Variants in TXN observed in about 807,000 individuals in gnomAD.
The protein encoded by TXN is ADF.
Under a neutral mutation model 16.5 loss-of-function variants are expected in TXN, and 10 were observed. That is an observed-to-expected ratio of 0.61 (90% CI 0.37 to 1.03). The LOEUF is 1.03. Among genes scored for constraint, TXN ranks in the 50% least tolerant of loss-of-function variants. The pLI, the probability that TXN is intolerant of heterozygous loss-of-function variation, is 0.01. For missense variants in TXN, 71 were observed against 122.5 expected (o/e 0.58, Z 1.98); for synonymous variants, 35 against 39.4 (o/e 0.89, Z 0.42).
chr9:110,246,014 G>A (rs1266304514), intron 3 of TXN, among the ~76,000 whole-genome samples: 1 of 152,074 alleles, frequency 6.6e-6, no homozygotes, highest in East Asian at 1.9e-4. Flanking sequence ...GCAGTGAGCT[G>A]AGATCATGCC....
rs1837813822 is a variant in TXN, at chr9:110,256,507, C to T, written c.-72G>A. 3.3e-6 allele frequency: 5 copies of T among 1,518,732 alleles called. No individual in the cohort carries two copies. The East Asian group carries it at 1.2e-4, about 38-fold the overall frequency. 94.1% of individuals were successfully genotyped at this position (1,518,732 alleles called of 1,614,324 possible). A position where few individuals can be genotyped will look rare whatever the true frequency, so the allele number is the denominator to read the frequency against. ...GGATCCAAAGCACCAAACAGAGCTT[C>T]AAGACTCGCTGCTTGCTCTCTCCCT... On this transcript the variant is annotated 5_prime_UTR_variant, in exon 1 of 5. Coordinates refer to ENST00000374517, the MANE Select transcript of TXN (RefSeq NM_003329.4). This position sits in a 1 kb window ranked among gnomAD's most constrained non-coding sequence, Gnocchi z 4.2.
chr9:110,247,534 A>G (rs1837675082), intron 3 of TXN, among the ~76,000 whole-genome samples: 1 of 152,188 alleles, frequency 6.6e-6, no homozygotes, highest in Non-Finnish European at 1.5e-5. Context: ...GTGATGGGTT[A>G]ATGTCATAGC....
intron 1 of TXN, among the ~76,000 whole-genome samples, chr9:110,254,707 A>G (rs1230196054): frequency 1.3e-5 from 2 of 150,600 alleles, no homozygotes; most frequent in African/African-American, 5.0e-5. Flanking sequence ...GTGCTCTGAC[A>G]TGCTCTGACA....
rs569696469 is a variant in TXN at position 110,250,999 on chromosome 9, T to G, written c.130-120A>C. On this transcript the variant is annotated intron_variant, in intron 2 of 4. Transcript: ENST00000374517. ...AGAGACTAATTAAAGATCCAAAAAT[T>G]TAGATCTTTGGAGACATAGATCTAA... is the stretch of plus-strand genomic sequence containing the variant. 10 of 746,068 alleles carry G rather than the reference T, an allele frequency of 1.3e-5. No individual in the cohort carries two copies. In the African/African-American group the frequency reaches 1.8e-4, roughly 13 times the overall value. 46.2% of individuals were successfully genotyped at this position (746,068 alleles called of 1,614,324 possible).
At chr9:110,244,979 A>G (rs1837628324) in intron 3 of TXN, 136 bp from the exon 4 acceptor site, 1 of 569,040 alleles carries the variant, frequency 1.8e-6, no homozygotes, top group African/African-American at 1.9e-5. Flanking sequence ...TTTTCAGCAT[A>G]TGAAAATTAA....
chr9:110,244,985 A>G (rs1837628405), intron 3 of TXN, 142 bp from the exon 4 acceptor site: 1 of 556,202 alleles, frequency 1.8e-6, no homozygotes, highest in African/African-American at 1.9e-5. Context: ...GCATATGAAA[A>G]TTAATATAAT....
chr9:110,244,851 G>C lies in TXN; in HGVS notation c.190-8C>G, dbSNP rs750028504. The C allele has an allele frequency of 6.2e-7, 1 of 1,611,864 alleles. No individual in the cohort carries two copies. The highest frequency in any genetic ancestry group is 1.1e-5 in the South Asian group (1 of 90,996). Reference sequence around the variant, plus strand: ...ACACTCTGAAGCAACATCCTGGTAGGGAAAGTAGCAAAGGGAGAGGATTAA... The same window carrying C: ...ACACTCTGAAGCAACATCCTGGTAGCGAAAGTAGCAAAGGGAGAGGATTAA... On this transcript the variant is annotated splice_region_variant and splice_polypyrimidine_tract_variant and intron_variant, in intron 3 of 4. Transcript: ENST00000374517.
At chr9:110,247,017 T>A (rs2118566946) in intron 3 of TXN, among the ~76,000 whole-genome samples, 1 of 152,254 alleles carries the variant, frequency 6.6e-6, no homozygotes, top group Middle Eastern at 3.4e-3. Context: ...GAGGGTCACT[T>A]CAAGGTTTTA....
chr9:110,251,620 AACAAGCC>A (rs1837739122), intron 1 of TXN, among the ~76,000 whole-genome samples, 158 bp from the exon 2 acceptor site: 1 of 132,524 alleles, frequency 7.5e-6, no homozygotes, highest in Non-Finnish European at 1.7e-5. Context: ...AAAATCCCCA[AACAAGCC>A]AAATAAAACT....
At position 110,256,482 on chromosome 9, in the gene TXN, G is replaced by A. The variant is rs747543709; in HGVS notation, c.-47C>T. 6.3e-6 allele frequency: 10 copies of A among 1,587,630 alleles called. No homozygotes were observed. In the Admixed American group the frequency reaches 1.2e-4, roughly 20 times the overall value. On this transcript the variant is annotated 5_prime_UTR_variant, in exon 1 of 5. Transcript: ENST00000374517. The surrounding 1 kb of genome is among the most constrained non-coding windows in gnomAD (Gnocchi z 4.2). The stretch of plus-strand genomic sequence containing the variant: ...AGCGGCTGTAAGGACCGATGGAAAT[G>A]GATCCAAAGCACCAAACAGAGCTTC...
chr9:110,252,085 G>A (rs1044529708), intron 1 of TXN, among the ~76,000 whole-genome samples: 7 of 152,092 alleles, frequency 4.6e-5, no homozygotes, highest in South Asian at 2.1e-4. Flanking sequence ...CTAGCTGGGC[G>A]TGGTGGCATA....
At chr9:110,245,890 C>G (rs905553814) in intron 3 of TXN, among the ~76,000 whole-genome samples, 1 of 151,434 alleles carries the variant, frequency 6.6e-6, no homozygotes, top group African/African-American at 2.4e-5. Flanking sequence ...CACGGAGAAA[C>G]CCCATCTCTA....
rs2118587514 is a variant in TXN, at chr9:110,256,296, G to A, written c.24+116C>T. 1.8e-6 allele frequency: 2 copies of A among 1,124,604 alleles called. No homozygotes were observed. The highest frequency in any genetic ancestry group is 2.6e-6 in the Non-Finnish European group (2 of 775,732). 69.7% of individuals were successfully genotyped at this position (1,124,604 alleles called of 1,614,324 possible). A position where few individuals can be genotyped will look rare whatever the true frequency, so the allele number is the denominator to read the frequency against. On this transcript the variant is annotated intron_variant, in intron 1 of 4. Transcript: ENST00000374517. This position sits in a 1 kb window ranked among gnomAD's most constrained non-coding sequence, Gnocchi z 4.2. Reference sequence around the variant, plus strand: ...CCGCGTCCCTTTCCCCTGGCGATGCGGAGGGGCGGCCTCCGCACCTCCCGC... The same window carrying A: ...CCGCGTCCCTTTCCCCTGGCGATGCAGAGGGGCGGCCTCCGCACCTCCCGC...
chr9:110,252,170 G>C (rs891766825), intron 1 of TXN, among the ~76,000 whole-genome samples: 2 of 134,916 alleles, frequency 1.5e-5, no homozygotes, highest in African/African-American at 5.6e-5. Flanking sequence ...GTTGCAGTGA[G>C]CCAAAATTGT....
chr9:110,255,472 G>A (rs1837797030), intron 1 of TXN, among the ~76,000 whole-genome samples: 1 of 152,232 alleles, frequency 6.6e-6, no homozygotes, highest in African/African-American at 2.4e-5. Context: ...ACAACGATCG[G>A]GATACCGATA....
At position 110,245,643 on chromosome 9, in the gene TXN, TATATATATATA is replaced by T. The variant is rs1434386492; in HGVS notation, c.190-811_190-801del. Among the ~76,000 whole-genome samples, 190 of 37,024 alleles carry T rather than the reference TATATATATATA, an allele frequency of 5.1e-3. 23 individuals are homozygous for T. Among genetic ancestry groups the T allele is most frequent in the African/African-American group, 0.021 (145 of 6,934 alleles). The allele number at this position is 37,024 out of a possible 152,430, so 24.3% of individuals were successfully genotyped here. On this transcript the variant is annotated intron_variant, in intron 3 of 4. Coordinates refer to ENST00000374517, the MANE Select transcript of TXN (RefSeq NM_003329.4). Reference sequence around the variant, plus strand: ...CTATATATATATATATATATATATATATATATATATATTTTTTTTTTTTTTTTTTTATAGGG... The same window carrying T: ...CTATATATATATATATATATATATATTTTTTTTTTTTTTTTTTTTATAGGG...
intron 3 of TXN, 116 bp downstream of exon 3, chr9:110,250,704 G>A (rs1229979839): frequency 1.1e-6 from 1 of 869,896 alleles, no homozygotes. Context: ...GAACTTTTTA[G>A]ATAGGATTAC....
intron 3 of TXN, among the ~76,000 whole-genome samples, chr9:110,245,997 G>A (rs746253182): frequency 9.9e-5 from 15 of 151,972 alleles, no homozygotes; most frequent in Non-Finnish European, 1.9e-4. Flanking sequence ...CCTGGGAGGC[G>A]GAGGTTGCAG....
intron 1 of TXN, among the ~76,000 whole-genome samples, chr9:110,252,209 C>CG (rs1554695810): frequency 9.1e-6 from 1 of 109,604 alleles, no homozygotes; most frequent in Non-Finnish European, 1.8e-5. Context: ...GGGCAATAGA[C>CG]GGAGACTCTG....
Sources: gnomAD v4.1 joint callset for allele counts (sites outside exome capture counted in the v4.1 genomes callset) on GRCh38, gnomAD v4.1.1 for gene constraint, Gnocchi (gnomAD v3.1) non-coding constraint, MANE v1.5 for transcripts, NCBI Gene and HGNC (gene_info 2026-07-23, HGNC 2026-07-21) for gene names.